The following SREBF2 variants were observed in gnomAD, a reference collection of about 807,000 sequenced individuals.
SREBF2 encodes sterol regulatory element binding transcription factor 2.
SREBF2 carries 55 observed loss-of-function variants against 113.1 expected under a neutral mutation model. That is an observed-to-expected ratio of 0.49 (90% CI 0.39 to 0.61). SREBF2 has a LOEUF of 0.61. Among genes scored for constraint, SREBF2 ranks in the 20% least tolerant of loss-of-function variants. SREBF2 has a pLI of 0.00. For missense variants in SREBF2, 1,349 were observed against 1,487.4 expected, an observed-to-expected ratio of 0.91 and a Z score of 1.53; for synonymous variants, 593 against 605.7, an observed-to-expected ratio of 0.98 and a Z score of 0.31.
chr22:41,892,886 C>G (rs1048849038), intron 11 of SREBF2, among the ~76,000 whole-genome samples: 1 of 152,188 alleles, frequency 6.6e-6, no homozygotes, highest in Non-Finnish European at 1.5e-5. Flanking sequence ...TCCCTGCCCT[C>G]CTGCTGGGAT....
chr22:41,904,719 G>A (rs1167595612), intron 17 of SREBF2, 144 bp from the exon 18 acceptor site: 3 of 738,474 alleles, frequency 4.1e-6, no homozygotes, highest in African/African-American at 3.5e-5. Flanking sequence ...GACAACAGAG[G>A]TTGCTTTTCA....
At chr22:41,882,314 TAGAA>T (rs562850367) in intron 10 of SREBF2, among the ~76,000 whole-genome samples, 82 of 151,916 alleles carry the variant, frequency 5.4e-4, no homozygotes, top group African/African-American at 1.4e-3. Flanking sequence ...GTAAAGAAAA[TAGAA>T]GGAAGAGCAA....
intron 7 of SREBF2, among the ~76,000 whole-genome samples, chr22:41,876,355 C>T (rs1013364709): frequency 2.0e-5 from 3 of 152,132 alleles, no homozygotes; most frequent in Admixed American, 2.0e-4. Flanking sequence ...TTTGACTAAG[C>T]TGTTTATTGT....
At chr22:41,855,296 G>A (rs1298795622) in intron 1 of SREBF2, among the ~76,000 whole-genome samples, 1 of 152,196 alleles carries the variant, frequency 6.6e-6, no homozygotes, top group African/African-American at 2.4e-5. Flanking sequence ...ACTGAGGCGA[G>A]TGGATCACTT....
intron 1 of SREBF2, among the ~76,000 whole-genome samples, chr22:41,853,934 C>G (rs1396427838): frequency 6.6e-6 from 1 of 150,906 alleles, no homozygotes; most frequent in African/African-American, 2.4e-5. Context: ...ACTCGGGAGG[C>G]TGAGGCAGGA....
chr22:41,890,576 A>C (rs576258145), intron 11 of SREBF2, among the ~76,000 whole-genome samples: 1 of 152,084 alleles, frequency 6.6e-6, no homozygotes, highest in African/African-American at 2.4e-5. Flanking sequence ...CCTCTTTCAC[A>C]TCAGGCAATT....
intron 3 of SREBF2, 64 bp downstream of exon 3, chr22:41,868,856 G>T: frequency 6.5e-7 from 1 of 1,549,524 alleles, no homozygotes; most frequent in Non-Finnish European, 8.7e-7. Context: ...CTTGGTTGAA[G>T]ATGTGGTCTA....
intron 1 of SREBF2, among the ~76,000 whole-genome samples, chr22:41,851,131 C>G (rs1201161279): frequency 1.3e-5 from 2 of 152,140 alleles, no homozygotes; most frequent in Non-Finnish European, 2.9e-5. Context: ...TTTATGTTGT[C>G]CTCATGGAGG....
intron 13 of SREBF2, among the ~76,000 whole-genome samples, chr22:41,895,773 G>A (rs1220675697): frequency 6.6e-6 from 1 of 152,084 alleles, no homozygotes; most frequent in Non-Finnish European, 1.5e-5. Flanking sequence ...ACCAAGCGGA[G>A]TCAGTACTTG....
At chr22:41,835,518 C>T (rs1044909578) in intron 1 of SREBF2, among the ~76,000 whole-genome samples, 6 of 152,034 alleles carry the variant, frequency 3.9e-5, no homozygotes, top group African/African-American at 7.3e-5. Context: ...CCATGTTGGT[C>T]GGGCTGGTCT....
intron 10 of SREBF2, among the ~76,000 whole-genome samples, chr22:41,882,662 C>T (rs182886053): frequency 5.9e-5 from 9 of 152,208 alleles, no homozygotes; most frequent in Non-Finnish European, 1.0e-4. Context: ...AAAAATTAGC[C>T]GGGTGTGGTG....
chr22:41,873,058 A>G (rs552832603), intron 4 of SREBF2, among the ~76,000 whole-genome samples: 6 of 151,630 alleles, frequency 4.0e-5, no homozygotes, highest in African/African-American at 9.7e-5. Flanking sequence ...TTAGCCAGGC[A>G]TGGTGGCGCA....
Position 41,884,998 on chromosome 22 carries a change from T to G in SREBF2, c.2195T>G (p.Leu732Arg). The change falls in exon 11 of 19, where the codon CTG becomes CGG. Residue 732 changes from leucine to arginine, a missense_variant. This residue lies in a region of SREBF2 where 650 missense variants were observed against 644.1 expected (regional missense o/e 1.01). Transcript: ENST00000361204. Reference sequence around the variant, plus strand: ...CTCAAGACCCGGTGTGGAGGCAAGCTGGGCTTCCTGGCCGTGAGTACCCTT... The same window carrying G: ...CTCAAGACCCGGTGTGGAGGCAAGCGGGGCTTCCTGGCCGTGAGTACCCTT... ...MGLKTRCGGK[L>R]GFLASYFLSR... 1 of 1,614,150 alleles carries G rather than the reference T, an allele frequency of 6.2e-7. No individual in the cohort carries two copies. The highest frequency in any genetic ancestry group is 8.5e-7 in the Non-Finnish European group (1 of 1,180,028).
intron 11 of SREBF2, 24 bp from the exon 12 acceptor site, chr22:41,893,093 C>A (rs1271343674): frequency 1.2e-6 from 2 of 1,611,830 alleles, no homozygotes; most frequent in Non-Finnish European, 8.5e-7. Context: ...CTTGGTGTTA[C>A]CCCTGGTCCT....
In SREBF2 at chr22:41,841,668, ACTC is replaced by A. The variant is rs201260749; in HGVS notation, c.88+8314_88+8316del. ...GCTTCTTTCTCAACTAGATCATTTC[ACTC>A]CTCAAATTTGTAATTAAAAAAAGGA... On this transcript the variant is annotated intron_variant, in intron 1 of 18. Transcript: ENST00000361204. Among the ~76,000 whole-genome samples, 11 of 152,038 alleles carry A rather than the reference ACTC, an allele frequency of 7.2e-5. No individual in the cohort carries two copies. The East Asian group carries it at 2.1e-3, about 29-fold the overall frequency.
intron 15 of SREBF2, chr22:41,899,878 C>G (rs1005972741): frequency 1.9e-6 from 2 of 1,027,026 alleles, no homozygotes; most frequent in Non-Finnish European, 2.4e-6. Context: ...GAACCCTCCC[C>G]CATCCCTAGC....
At chr22:41,877,470 C>T (rs1452122759) in intron 8 of SREBF2, 49 bp downstream of exon 8, 2 of 1,594,552 alleles carry the variant, frequency 1.3e-6, no homozygotes, top group South Asian at 1.1e-5. Flanking sequence ...ACCACTATGG[C>T]AGGAGAAGGA....
intron 12 of SREBF2, 116 bp downstream of exon 12, chr22:41,893,401 CGTTTGTTTGTTTGTTT>C: frequency 1.8e-6 from 2 of 1,131,930 alleles, no homozygotes; most frequent in Middle Eastern, 2.5e-4. Flanking sequence ...TTGTTGAGTC[CGTTTGTTTGTTTGTTT>C]GTTTGTTTGT....
At chr22:41,856,802 C>T (rs529123403) in intron 1 of SREBF2, among the ~76,000 whole-genome samples, 16 of 152,230 alleles carry the variant, frequency 1.1e-4, no homozygotes, top group Admixed American at 7.2e-4. Context: ...GGGCCGGGCA[C>T]GGTGGCTTAT....
Sources: allele counts gnomAD v4.1 joint callset (sites outside exome capture counted in the v4.1 genomes callset), GRCh38; gene constraint gnomAD v4.1.1; regional missense constraint gnomAD v4.1.1; transcripts MANE v1.5; gene names NCBI Gene and HGNC (gene_info 2026-07-23, HGNC 2026-07-21).